Variants in DGKB observed in about 807,000 individuals in gnomAD.
The protein encoded by DGKB is diacylglycerol kinase beta.
A neutral mutation model predicts 114.3 loss-of-function variants in DGKB; 67 were observed. The observed-to-expected ratio is 0.59, with a 90% CI of 0.48 to 0.72. The LOEUF (loss-of-function observed/expected upper bound fraction) is 0.72, where lower values mean the gene tolerates loss of function less well. Ranked by LOEUF, DGKB falls within the 30% of genes least tolerant of loss-of-function variation. The pLI, the probability that DGKB is intolerant of heterozygous loss-of-function variation, is 0.00. For missense variants in DGKB, 907 were observed against 975.2 expected (o/e 0.93, Z 0.93); for synonymous variants, 398 against 323.1 (o/e 1.23, Z -2.49).
chr7:14,824,326 AT>A (rs1237712461), intron 2 of DGKB, among the ~76,000 whole-genome samples: 1 of 152,164 alleles, frequency 6.6e-6, no homozygotes, highest in Non-Finnish European at 1.5e-5. Context: ...TAAAAATATA[AT>A]AATTTTGTTT....
Position 14,149,087 on chromosome 7 carries a change from C to T in DGKB, c.*44G>A. Reference sequence around the variant, plus strand: ...GATTTCCAGCATATGTGTTCCATGGCCCAATTATGCTAATTCAATTTCTAA... The same window carrying T: ...GATTTCCAGCATATGTGTTCCATGGTCCAATTATGCTAATTCAATTTCTAA... On this transcript the variant is annotated 3_prime_UTR_variant, in exon 26 of 26. Coordinates refer to ENST00000402815, the MANE Select transcript of DGKB (RefSeq NM_001350709.2). The T allele has an allele frequency of 6.6e-7, 1 of 1,507,136 alleles. No homozygotes were observed. Among genetic ancestry groups the T allele is most frequent in the Non-Finnish European group, 9.2e-7 (1 of 1,083,164 alleles). The allele number at this position is 1,507,136 out of a possible 1,614,324, so 93.4% of individuals were successfully genotyped here.
intron 2 of DGKB, among the ~76,000 whole-genome samples, chr7:14,771,517 T>C (rs73682548): frequency 2.2e-3 from 329 of 152,186 alleles, no homozygotes; most frequent in African/African-American, 6.5e-3. Flanking sequence ...ATGGTCTTGA[T>C]AGCAATGAGG....
intron 21 of DGKB, among the ~76,000 whole-genome samples, chr7:14,363,238 A>T (rs188510013): frequency 9.9e-4 from 150 of 152,278 alleles, no homozygotes; most frequent in African/African-American, 3.4e-3. Flanking sequence ...GCTAAGAACA[A>T]ATAGATAAAA....
At chr7:14,756,227 ATTG>A (rs982165075) in intron 3 of DGKB, among the ~76,000 whole-genome samples, 25 of 152,168 alleles carry the variant, frequency 1.6e-4, no homozygotes, top group African/African-American at 5.5e-4. Context: ...GTTTTCAAAT[ATTG>A]TTGTGAATAT....
chr7:14,804,125 A>T (rs557533271), intron 2 of DGKB, among the ~76,000 whole-genome samples: 4 of 150,374 alleles, frequency 2.7e-5, no homozygotes, highest in Middle Eastern at 6.9e-3. Context: ...TTGAGAGCCT[A>T]TTTGTACTGA....
chr7:14,550,885 G>C (rs1049210233), intron 20 of DGKB, among the ~76,000 whole-genome samples: 11 of 152,060 alleles, frequency 7.2e-5, no homozygotes, highest in African/African-American at 2.7e-4. Flanking sequence ...ATTTAAAAAA[G>C]ACTTTGATCA....
rs1465039287 is a variant in DGKB, at chr7:14,523,844, T to C, written c.1771-45619A>G. The stretch of plus-strand genomic sequence containing the variant: ...AATCCTAACTCTATTACTTAATAGC[T>C]ATGTGATTTAATGTTATTTACTCTC... On this transcript the variant is annotated intron_variant, in intron 20 of 25. Coordinates refer to ENST00000402815, the MANE Select transcript of DGKB (RefSeq NM_001350709.2). Among the ~76,000 whole-genome samples the C allele has an allele frequency of 2.6e-5, 4 of 152,154 alleles. No individual in the cohort carries two copies. In the South Asian group the frequency reaches 6.2e-4, roughly 24 times the overall value.
chr7:14,676,676 G>A (rs1819914281), intron 12 of DGKB, among the ~76,000 whole-genome samples: 2 of 151,834 alleles, frequency 1.3e-5, no homozygotes, highest in South Asian at 4.2e-4. Context: ...GACACAGCTG[G>A]GTCCTTCTCA....
intron 25 of DGKB, among the ~76,000 whole-genome samples, chr7:14,156,062 C>A (rs1782973678): frequency 6.6e-6 from 1 of 152,050 alleles, no homozygotes. Context: ...CAGGAGAATA[C>A]AAACAGTCAG....
At chr7:14,770,839 T>A (rs1457229439) in intron 2 of DGKB, among the ~76,000 whole-genome samples, 4 of 152,118 alleles carry the variant, frequency 2.6e-5, no homozygotes, top group Non-Finnish European at 2.9e-5. Context: ...GAGTTGTTAA[T>A]TTAAATATTA....
Position 14,682,585 on chromosome 7 carries a change from T to C in DGKB, c.1003A>G (p.Thr335Ala). 1 of 1,613,502 alleles carries C rather than the reference T, an allele frequency of 6.2e-7. No individual in the cohort carries two copies. Among genetic ancestry groups the C allele is most frequent in the Non-Finnish European group, 8.5e-7 (1 of 1,179,524 alleles). ...TGACACCAAACACAATGCAGTCCTG[T>C]CAGGCCCTGGTAACATTTAACAGTT... Reference protein sequence around the residue: ...HKTVKCYQGLTGLHCVWCQIT... With the variant: ...HKTVKCYQGLAGLHCVWCQIT... The change falls in exon 12 of 26, where the codon ACA becomes GCA. Residue 335 changes from threonine to alanine, a missense_variant. Coordinates refer to ENST00000402815, the MANE Select transcript of DGKB (RefSeq NM_001350709.2).
At chr7:14,319,269 C>G (rs1357034514) in intron 23 of DGKB, among the ~76,000 whole-genome samples, 1 of 131,022 alleles carries the variant, frequency 7.6e-6, no homozygotes, top group East Asian at 2.2e-4. Flanking sequence ...CACATGTACC[C>G]TAAAACTTAA....
chr7:14,662,959 AATATT>A (rs1371922821), intron 13 of DGKB, among the ~76,000 whole-genome samples: 6 of 152,022 alleles, frequency 3.9e-5, no homozygotes, highest in African/African-American at 1.4e-4. Flanking sequence ...TTATAATAGT[AATATT>A]AGATGATATC....
At chr7:14,407,714 A>C (rs2128739379) in intron 21 of DGKB, among the ~76,000 whole-genome samples, 1 of 152,172 alleles carries the variant, frequency 6.6e-6, no homozygotes, top group Admixed American at 6.6e-5. Flanking sequence ...CATACGGCAA[A>C]ATCTTTGGTT....
chr7:14,178,111 T>C lies in DGKB; in HGVS notation c.2163A>G (p.Gly721=). The C allele has an allele frequency of 1.2e-6, 2 of 1,613,092 alleles. No individual in the cohort carries two copies. Among genetic ancestry groups the C allele is most frequent in the Non-Finnish European group, 1.7e-6 (2 of 1,179,716 alleles). The change falls in exon 24 of 26, where the codon GGA becomes GGG. Residue 721 remains glycine, a synonymous_variant. Coordinates refer to ENST00000402815, the MANE Select transcript of DGKB (RefSeq NM_001350709.2). ...TGTATATTTGCCCCATCTCCATGGC[T>C]CCTTCCAAGCCGACCACCTCCAGCA... The part of the protein sequence containing the change: ...DQLLEVVGLE[G]AMEMGQIYTG...
intron 20 of DGKB, among the ~76,000 whole-genome samples, chr7:14,516,093 C>G (rs1163279977): frequency 6.6e-6 from 1 of 152,090 alleles, no homozygotes; most frequent in Non-Finnish European, 1.5e-5. Context: ...AGCAATCTGC[C>G]CACCTTGGCC....
intron 13 of DGKB, among the ~76,000 whole-genome samples, chr7:14,638,316 T>G (rs985996798): frequency 3.9e-5 from 6 of 152,142 alleles, no homozygotes; most frequent in Non-Finnish European, 8.8e-5. Context: ...CCACTAACAT[T>G]TCCTCATCAT....
intron 4 of DGKB, among the ~76,000 whole-genome samples, chr7:14,737,666 C>A (rs951739701): frequency 6.6e-6 from 1 of 151,996 alleles, no homozygotes; most frequent in African/African-American, 2.4e-5. Context: ...TCTGCCTATA[C>A]CTTAATCTAA....
chr7:14,675,351 G>A (rs187320887), intron 12 of DGKB, among the ~76,000 whole-genome samples: 1 of 152,100 alleles, frequency 6.6e-6, no homozygotes, highest in African/African-American at 2.4e-5. Context: ...GGACGACTAA[G>A]CTCTCTGTAT....
Sources: gnomAD v4.1 joint callset for allele counts (sites outside exome capture counted in the v4.1 genomes callset) on GRCh38, gnomAD v4.1.1 for gene constraint, MANE v1.5 for transcripts, NCBI Gene and HGNC (gene_info 2026-07-23, HGNC 2026-07-21) for gene names.